Variants in PDE8B observed in about 807,000 individuals in gnomAD.
The protein encoded by PDE8B is high affinity cAMP-specific and IBMX-insensitive 3',5'-cyclic phosphodiesterase 8B.
In PDE8B, 26 loss-of-function variants were observed where a neutral mutation model predicts 101.3. That is an observed-to-expected ratio of 0.26 (90% CI 0.19 to 0.36). PDE8B has a LOEUF of 0.36. PDE8B is among the 10% of genes least tolerant of loss of function. PDE8B has a pLI of 1.00. For missense variants in PDE8B, 810 were observed against 1,163.1 expected, an observed-to-expected ratio of 0.70 and a Z score of 4.42; for synonymous variants, 424 against 429.3, an observed-to-expected ratio of 0.99 and a Z score of 0.15.
intron 1 of PDE8B, among the ~76,000 whole-genome samples, chr5:77,304,464 C>T (rs1770714090): frequency 6.6e-6 from 1 of 152,030 alleles, no homozygotes; most frequent in Non-Finnish European, 1.5e-5. Context: ...TTCATCTCTC[C>T]AGCTCTGGGC....
At chr5:77,358,643 T>G (rs1202863580) in intron 10 of PDE8B, among the ~76,000 whole-genome samples, 1 of 152,218 alleles carries the variant, frequency 6.6e-6, no homozygotes, top group Non-Finnish European at 1.5e-5. Flanking sequence ...CCATGTAGAG[T>G]TGATCTATAT....
chr5:77,258,076 G>C (rs1759568581), intron 1 of PDE8B, among the ~76,000 whole-genome samples: 1 of 151,862 alleles, frequency 6.6e-6, no homozygotes, highest in Admixed American at 6.6e-5. Context: ...ATCACCTGAG[G>C]TCAGGAGTTC....
intron 7 of PDE8B, among the ~76,000 whole-genome samples, chr5:77,348,003 T>C (rs1460667520): frequency 6.6e-6 from 1 of 151,904 alleles, no homozygotes; most frequent in African/African-American, 2.4e-5. Context: ...GGTCTGGAGA[T>C]CCATGAAGAC....
At chr5:77,375,584 C>T (rs1390131403) in intron 10 of PDE8B, among the ~76,000 whole-genome samples, 2 of 152,140 alleles carry the variant, frequency 1.3e-5, no homozygotes, top group Non-Finnish European at 2.9e-5. Context: ...CATCTCCCCT[C>T]CATCAGCCAG....
the PDE8B span, chr5:77,087,080 C>G: frequency 1.3e-5 from 2 of 152,322 alleles, no homozygotes; most frequent in Non-Finnish European, 2.9e-5. Flanking sequence ...CCCAGCCCGC[C>G]TCGCCACCGA....
the PDE8B span, among the ~76,000 whole-genome samples, chr5:77,157,502 G>A: frequency 6.6e-6 from 1 of 152,218 alleles, no homozygotes; most frequent in African/African-American, 2.4e-5. Flanking sequence ...GAGGGTGGCT[G>A]TGAAGACTAG....
At chr5:77,127,275 G>A in the PDE8B span, among the ~76,000 whole-genome samples, 1 of 152,090 alleles carries the variant, frequency 6.6e-6, no homozygotes, top group Non-Finnish European at 1.5e-5. Context: ...CTGGATTATG[G>A]GGGAGGTTTC....
intron 2 of PDE8B, among the ~76,000 whole-genome samples, chr5:77,324,263 C>G (rs992150302): frequency 4.6e-5 from 7 of 152,130 alleles, no homozygotes; most frequent in African/African-American, 1.7e-4. Flanking sequence ...AGCCCTCTTG[C>G]ATTTCTCAGA....
chr5:77,257,891 G>A (rs943378087), intron 1 of PDE8B, among the ~76,000 whole-genome samples: 5 of 151,988 alleles, frequency 3.3e-5, no homozygotes, highest in Admixed American at 2.0e-4. Context: ...CTCACTGTTC[G>A]GCTACATGCA....
intron 1 of PDE8B, among the ~76,000 whole-genome samples, chr5:77,253,893 A>C (rs1758580553): frequency 6.6e-6 from 1 of 151,834 alleles, no homozygotes; most frequent in Non-Finnish European, 1.5e-5. Context: ...ATGGATTTTG[A>C]GTATTCTATA....
intron 10 of PDE8B, among the ~76,000 whole-genome samples, chr5:77,398,758 C>T (rs1230778162): frequency 6.6e-6 from 1 of 152,234 alleles, no homozygotes; most frequent in Non-Finnish European, 1.5e-5. Context: ...AACCCGCTGG[C>T]ATTTGGGGTC....
chr5:77,224,683 TAAAG>T (rs1462399392), intron 1 of PDE8B, among the ~76,000 whole-genome samples: 4 of 152,236 alleles, frequency 2.6e-5, no homozygotes, highest in Non-Finnish European at 4.4e-5. Context: ...CATTTTCATT[TAAAG>T]ATTTTTTTAA....
intron 1 of PDE8B, among the ~76,000 whole-genome samples, chr5:77,304,920 A>C (rs1176705916): frequency 6.6e-6 from 1 of 152,194 alleles, no homozygotes; most frequent in Non-Finnish European, 1.5e-5. Flanking sequence ...GGAAATGAAC[A>C]CAGATAGCTG....
intron 2 of PDE8B, among the ~76,000 whole-genome samples, chr5:77,321,012 G>A (rs919134731): frequency 7.4e-6 from 1 of 135,518 alleles, no homozygotes; most frequent in African/African-American, 2.9e-5. Flanking sequence ...TGTATTAGAA[G>A]GATAGTGCAA....
intron 1 of PDE8B, among the ~76,000 whole-genome samples, chr5:77,260,849 C>T (rs928901796): frequency 3.3e-5 from 5 of 152,034 alleles, no homozygotes; most frequent in Non-Finnish European, 7.4e-5. Context: ...CTGTCTCAGC[C>T]ACCCAAAGTG....
intron 15 of PDE8B, 70 bp downstream of exon 15, chr5:77,411,791 A>G (rs1011965674): frequency 1.6e-6 from 2 of 1,226,226 alleles, no homozygotes; most frequent in South Asian, 2.4e-5. Flanking sequence ...TGTTGCGATT[A>G]TTGTTCTGGG....
chr5:77,379,711 G>T (rs940231359), intron 10 of PDE8B, among the ~76,000 whole-genome samples: 8 of 152,162 alleles, frequency 5.3e-5, no homozygotes, highest in Non-Finnish European at 1.0e-4. Context: ...TGCGGATTTT[G>T]AGAAGTGAAT....
At chr5:77,265,132 G>A (rs1238911083) in intron 1 of PDE8B, among the ~76,000 whole-genome samples, 1 of 152,164 alleles carries the variant, frequency 6.6e-6, no homozygotes, top group Non-Finnish European at 1.5e-5. Flanking sequence ...ACTGTGGCAG[G>A]TAACTCATCT....
rs772272223 is a variant in PDE8B, at chr5:77,421,866, C to T, written c.2296C>T (p.Pro766Ser). The change falls in exon 20 of 22, where the codon CCT becomes TCT. Residue 766 changes from proline (P) to serine (S), a missense_variant. By Grantham distance (74) the Pro-to-Ser change is moderately conservative. Around this residue, in one of 4 missense-constraint regions of PDE8B, gnomAD observed 325 missense variants for 560.9 expected, o/e 0.58. Coordinates refer to ENST00000264917, the MANE Select transcript of PDE8B (RefSeq NM_003719.5). The part of the protein sequence containing the change: ...CECNPAGKNF[P>S]ENQILIKRMM... ...ATGCAACCCTGCTGGGAAGAACTTC[C>T]CTGAAAACCAAATCCTGATCAAACG... 1 of 1,614,076 alleles carries T rather than the reference C, an allele frequency of 6.2e-7. No homozygotes were observed. The highest frequency in any genetic ancestry group is 8.5e-7 in the Non-Finnish European group (1 of 1,179,994).
Sources: allele counts gnomAD v4.1 joint callset (sites outside exome capture counted in the v4.1 genomes callset), GRCh38; gene constraint gnomAD v4.1.1; regional missense constraint gnomAD v4.1.1; transcripts MANE v1.5; gene names NCBI Gene and HGNC (gene_info 2026-07-23, HGNC 2026-07-21).